The following SMYD3 variants were observed in gnomAD, a reference collection of about 807,000 sequenced individuals.
SMYD3 encodes histone-lysine N-methyltransferase SMYD3.
A neutral mutation model predicts 57.7 loss-of-function variants in SMYD3; 36 were observed. The observed-to-expected ratio is 0.62, with a 90% CI of 0.48 to 0.82. The LOEUF (loss-of-function observed/expected upper bound fraction) is 0.82. Among genes scored for constraint, SMYD3 ranks in the 40% least tolerant of loss-of-function variants. The pLI is 0.00. For synonymous variants in SMYD3, 211 were observed against 195.0 expected (o/e 1.08, Z -0.68); for missense variants, 515 against 538.8 (o/e 0.96, Z 0.44).
intron 5 of SMYD3, among the ~76,000 whole-genome samples, chr1:246,017,165 T>C (rs1343798677): frequency 6.6e-6 from 1 of 151,092 alleles, no homozygotes; most frequent in Non-Finnish European, 1.5e-5. Flanking sequence ...ATTTTTATTC[T>C]TTTTTTTTAT....
At chr1:246,258,819 G>A (rs2063944699) in intron 5 of SMYD3, among the ~76,000 whole-genome samples, 1 of 143,456 alleles carries the variant, frequency 7.0e-6, no homozygotes, top group African/African-American at 2.5e-5. Context: ...TTTCCAGGTT[G>A]CTTATTTTTT....
chr1:245,749,803 A>T lies in SMYD3; in HGVS notation c.1186-139T>A, dbSNP rs987038784. 1.7e-5 allele frequency: 10 copies of T among 603,114 alleles called. No individual in the cohort carries two copies. The African/African-American group carries it at 1.7e-4, about 10-fold the overall frequency. 37.4% of individuals were successfully genotyped at this position (603,114 alleles called of 1,614,324 possible). A position where few individuals can be genotyped will look rare whatever the true frequency, so the allele number is the denominator to read the frequency against. On this transcript the variant is annotated intron_variant, in intron 11 of 11. Transcript: ENST00000490107. ...GAACAGTCTTTAACAGGCTTACAGC[A>T]CTGTGGTTCTCCCAGCTGGAAAGTC...
chr1:245,884,356 A>C (rs138968703), intron 8 of SMYD3, among the ~76,000 whole-genome samples: 1 of 152,266 alleles, frequency 6.6e-6, no homozygotes, highest in East Asian at 1.9e-4. Context: ...TGGGCAAAAG[A>C]AAGAGAAAAG....
At chr1:246,402,663 G>A (rs772958411) in intron 1 of SMYD3, among the ~76,000 whole-genome samples, 1 of 152,174 alleles carries the variant, frequency 6.6e-6, no homozygotes, top group Non-Finnish European at 1.5e-5. Flanking sequence ...CTGATCTGAT[G>A]ATTAAGTCTA....
At chr1:245,872,774 C>G (rs1558444679) in intron 8 of SMYD3, among the ~76,000 whole-genome samples, 1 of 152,230 alleles carries the variant, frequency 6.6e-6, no homozygotes, top group East Asian at 1.9e-4. Flanking sequence ...CACATTCAAA[C>G]CAACTGCGAT....
At chr1:246,014,242 A>C (rs1278582426) in intron 5 of SMYD3, among the ~76,000 whole-genome samples, 1 of 152,232 alleles carries the variant, frequency 6.6e-6, no homozygotes, top group Non-Finnish European at 1.5e-5. Flanking sequence ...GAATTGCTTG[A>C]GCCCAGGAGG....
rs75663676 is a variant in SMYD3, at chr1:246,221,342, C to T, written c.531+105859G>A. On this transcript the variant is annotated intron_variant, in intron 5 of 11. Transcript: ENST00000490107. ...TCCTGCTCACCCTCCACATTGCATA[C>T]CTCATTCTTCCTGGTCACAGGACAA... Among the ~76,000 whole-genome samples the T allele has an allele frequency of 1.8e-3, 279 of 152,298 alleles. 1 individual carries two copies. Among genetic ancestry groups the T allele is most frequent in the African/African-American group, 6.1e-3 (255 of 41,546 alleles).
Position 246,402,946 on chromosome 1 carries a change from G to A in SMYD3, c.165-47852C>T, listed in dbSNP as rs2066796422. Among the ~76,000 whole-genome samples, 5 of 152,226 alleles carry A rather than the reference G, an allele frequency of 3.3e-5. No individual in the cohort carries two copies. In the South Asian group the frequency reaches 1.0e-3, roughly 32 times the overall value. On this transcript the variant is annotated intron_variant, in intron 1 of 11. Coordinates refer to ENST00000490107, the MANE Select transcript of SMYD3 (RefSeq NM_001167740.2). ...TATACTTAAGTTCTATTATGCACTG[G>A]TGGTAGTCAAAAATGTCACAGACTG...
chr1:246,078,322 T>G (rs1056129696), intron 5 of SMYD3, among the ~76,000 whole-genome samples: 1 of 152,054 alleles, frequency 6.6e-6, no homozygotes, highest in Non-Finnish European at 1.5e-5. Flanking sequence ...AGTTCCAAAC[T>G]GAAACCAACT....
intron 5 of SMYD3, among the ~76,000 whole-genome samples, chr1:246,261,827 A>T (rs541522671): frequency 1.3e-5 from 2 of 152,244 alleles, no homozygotes; most frequent in Non-Finnish European, 2.9e-5. Flanking sequence ...GGGCATAAAC[A>T]GCGCCCTCTG....
intron 10 of SMYD3, among the ~76,000 whole-genome samples, chr1:245,808,506 C>T (rs1360579550): frequency 6.6e-6 from 1 of 152,204 alleles, no homozygotes; most frequent in Non-Finnish European, 1.5e-5. Context: ...CTGAGAACCA[C>T]CTGACTCAGG....
chr1:245,816,980 G>A (rs547953038), intron 10 of SMYD3, among the ~76,000 whole-genome samples: 21 of 151,576 alleles, frequency 1.4e-4, no homozygotes, highest in South Asian at 6.2e-4. Flanking sequence ...AGGGGCGCCC[G>A]CCATTGCCCA....
At chr1:245,815,900 G>C (rs2048778054) in intron 10 of SMYD3, among the ~76,000 whole-genome samples, 4 of 152,162 alleles carry the variant, frequency 2.6e-5, no homozygotes, top group Admixed American at 2.6e-4. Context: ...TGATTCCAAA[G>C]CCCATGATCC....
At chr1:245,969,637 G>C (rs931044682) in intron 5 of SMYD3, among the ~76,000 whole-genome samples, 1 of 152,178 alleles carries the variant, frequency 6.6e-6, no homozygotes, top group Non-Finnish European at 1.5e-5. Flanking sequence ...CCAGGAACAC[G>C]GATTCCTCTG....
chr1:246,001,969 C>A (rs1156320637), intron 5 of SMYD3, among the ~76,000 whole-genome samples: 2 of 152,104 alleles, frequency 1.3e-5, no homozygotes, highest in Non-Finnish European at 2.9e-5. Flanking sequence ...TGGTTCTGGG[C>A]GATCCCCAAG....
At chr1:246,255,549 T>C (rs937605276) in intron 5 of SMYD3, among the ~76,000 whole-genome samples, 4 of 151,912 alleles carry the variant, frequency 2.6e-5, no homozygotes, top group Non-Finnish European at 4.4e-5. Context: ...GGTAATAAAG[T>C]TTTTGATGTG....
At chr1:245,913,485 C>A (rs1240799719) in intron 8 of SMYD3, among the ~76,000 whole-genome samples, 1 of 150,922 alleles carries the variant, frequency 6.6e-6, no homozygotes. Context: ...ACGTTGTGCA[C>A]ATGTGCCCTA....
At chr1:246,102,743 CAA>C (rs746820906) in intron 5 of SMYD3, among the ~76,000 whole-genome samples, 3 of 145,856 alleles carry the variant, frequency 2.1e-5, no homozygotes, top group African/African-American at 2.6e-5. Context: ...CCTTGGCTCT[CAA>C]AAAAAAAAAA....
chr1:245,766,966 C>G (rs948850772), intron 10 of SMYD3, among the ~76,000 whole-genome samples: 4 of 152,190 alleles, frequency 2.6e-5, no homozygotes, highest in African/African-American at 9.7e-5. Context: ...TATGGGGCTG[C>G]TGATTGCGGG....
Sources: gnomAD v4.1 joint callset for allele counts (sites outside exome capture counted in the v4.1 genomes callset) on GRCh38, gnomAD v4.1.1 for gene constraint, MANE v1.5 for transcripts, NCBI Gene and HGNC (gene_info 2026-07-23, HGNC 2026-07-21) for gene names.